The following DAB1 variants were observed in gnomAD, a reference collection of about 807,000 sequenced individuals.
DAB1 encodes disabled homolog 1.
Under a neutral mutation model 64.6 loss-of-function variants are expected in DAB1, and 15 were observed. The ratio of observed to expected loss-of-function variants is 0.23; its 90% CI spans 0.16 to 0.36. The LOEUF (loss-of-function observed/expected upper bound fraction) is 0.36, where lower values mean the gene tolerates loss of function less well. Ranked by LOEUF, DAB1 falls within the 10% of genes least tolerant of loss-of-function variation. The pLI, the probability that DAB1 is intolerant of heterozygous loss-of-function variation, is 1.00. For missense variants in DAB1, 596 were observed against 706.7 expected, an observed-to-expected ratio of 0.84 and a Z score of 1.78; for synonymous variants, 235 against 251.9, an observed-to-expected ratio of 0.93 and a Z score of 0.64.
chr1:57,680,316 A>G (rs1463806032), intron 6 of DAB1, among the ~76,000 whole-genome samples: 1 of 152,228 alleles, frequency 6.6e-6, no homozygotes, highest in African/African-American at 2.4e-5. Context: ...ATAACAAATT[A>G]TTGCAAGTTT....
intron 6 of DAB1, among the ~76,000 whole-genome samples, chr1:57,793,205 C>T (rs749914349): frequency 5.9e-5 from 9 of 152,124 alleles, no homozygotes; most frequent in East Asian, 1.9e-4. Context: ...AGAAAATAAA[C>T]GAACAGGGCA....
At chr1:57,908,652 G>C (rs905016856) in intron 5 of DAB1, among the ~76,000 whole-genome samples, 2 of 152,080 alleles carry the variant, frequency 1.3e-5, no homozygotes, top group African/African-American at 4.8e-5. Context: ...GAAGAACTTG[G>C]CAGCTCAGAA....
rs1298619146 is a variant in DAB1, at chr1:58,115,907, G to A, written n.387+34604C>T. 2.2e-5 allele frequency among the ~76,000 whole-genome samples: 3 copies of A among 136,434 alleles called. No homozygotes were observed. The Admixed American group carries it at 2.2e-4, about 10-fold the overall frequency. 89.5% of individuals were successfully genotyped at this position (136,434 alleles called of 152,430 possible). Reference sequence around the variant, plus strand: ...AATGCTAGATGACACATTAGTGGGTGCAGCGCACCAGCATGGCACATGTAT... The same window carrying A: ...AATGCTAGATGACACATTAGTGGGTACAGCGCACCAGCATGGCACATGTAT... On this transcript the variant is annotated intron_variant and non_coding_transcript_variant, in intron 5 of 20. Coordinates refer to the DAB1 transcript ENST00000485760.
At chr1:58,020,681 A>C (rs1646802702) in intron 5 of DAB1, among the ~76,000 whole-genome samples, 1 of 152,128 alleles carries the variant, frequency 6.6e-6, no homozygotes, top group Non-Finnish European at 1.5e-5. Context: ...AAGTTGTGTA[A>C]AACTGCCTAG....
chr1:57,076,325 G>T (rs980843905), intron 4 of DAB1, among the ~76,000 whole-genome samples: 1 of 152,162 alleles, frequency 6.6e-6, no homozygotes, highest in Admixed American at 6.5e-5. Flanking sequence ...TTTGAAAACC[G>T]TTATTGTCTT....
Position 57,574,018 on chromosome 1 carries a change from A to G in DAB1, n.625+75574T>C, listed in dbSNP as rs150064057. Reference sequence around the variant, plus strand: ...GTATTCACTGGTGGCCAGAAGAAAAAAGAAGAGTGGTTCTTAGAGAAGAAT... The same window carrying G: ...GTATTCACTGGTGGCCAGAAGAAAAGAGAAGAGTGGTTCTTAGAGAAGAAT... On this transcript the variant is annotated intron_variant and non_coding_transcript_variant, in intron 7 of 20. Transcript: ENST00000485760. Among the ~76,000 whole-genome samples, 15 of 152,314 alleles carry G rather than the reference A, an allele frequency of 9.8e-5. No homozygotes were observed. In the East Asian group the frequency reaches 2.7e-3, roughly 27 times the overall value.
intron 1 of DAB1, among the ~76,000 whole-genome samples, chr1:57,839,100 C>G (rs975212320): frequency 6.6e-6 from 1 of 152,088 alleles, no homozygotes; most frequent in Non-Finnish European, 1.5e-5. Context: ...CTCTTAAGCC[C>G]CAGCCCTTCT....
At chr1:57,023,849 T>C (rs144092367) in intron 10 of DAB1, among the ~76,000 whole-genome samples, 30 of 152,330 alleles carry the variant, frequency 2.0e-4, no homozygotes, top group Non-Finnish European at 3.5e-4. Context: ...AGTGAGATTA[T>C]GTAATTAAAT....
At position 58,278,122 on chromosome 1, in the gene DAB1, CAT is replaced by C. The variant is rs1661494427; in HGVS notation, n.309+65228_309+65229del. Among the ~76,000 whole-genome samples, 4 of 152,210 alleles carry C rather than the reference CAT, an allele frequency of 2.6e-5. No individual in the cohort carries two copies. The South Asian group carries it at 8.3e-4, about 32-fold the overall frequency. On this transcript the variant is annotated intron_variant and non_coding_transcript_variant, in intron 4 of 20. Transcript: ENST00000485760. ...TGAATTGTAATCCCCATAATCCCCA[CAT>C]GTCGAGGGTGGGGCCTGGTGGGAGG...
intron 3 of DAB1, among the ~76,000 whole-genome samples, chr1:58,410,974 C>A (rs1048346629): frequency 6.6e-6 from 1 of 152,146 alleles, no homozygotes; most frequent in Non-Finnish European, 1.5e-5. Flanking sequence ...CCTTTGGTCT[C>A]CCTTTTGCTT....
At chr1:57,905,621 A>C (rs1644538912) in intron 5 of DAB1, among the ~76,000 whole-genome samples, 1 of 152,196 alleles carries the variant, frequency 6.6e-6, no homozygotes. Context: ...AGCTCAGGGA[A>C]GAAGTCTGGG....
At chr1:57,798,599 C>T (rs1650980616) in intron 6 of DAB1, among the ~76,000 whole-genome samples, 1 of 152,228 alleles carries the variant, frequency 6.6e-6, no homozygotes, top group South Asian at 2.1e-4. Context: ...TCTCACCTCT[C>T]TGTGCTGGAA....
intron 4 of DAB1, among the ~76,000 whole-genome samples, chr1:57,110,060 T>G (rs1309927731): frequency 1.3e-5 from 2 of 152,172 alleles, no homozygotes; most frequent in Non-Finnish European, 2.9e-5. Context: ...TGAGAGTAGT[T>G]TGCACATGAA....
intron 5 of DAB1, among the ~76,000 whole-genome samples, chr1:58,043,122 T>C (rs1647163810): frequency 6.6e-6 from 1 of 152,208 alleles, no homozygotes; most frequent in African/African-American, 2.4e-5. Context: ...TGTTAATGTA[T>C]AGGCGCTGTG....
intron 7 of DAB1, among the ~76,000 whole-genome samples, chr1:57,449,678 C>A (rs1686279276): frequency 6.6e-6 from 1 of 152,246 alleles, no homozygotes; most frequent in Middle Eastern, 3.4e-3. Flanking sequence ...CATGTCCAGC[C>A]ATTTTAATCT....
At chr1:57,366,076 T>C (rs1679973013) in intron 1 of DAB1, among the ~76,000 whole-genome samples, 1 of 152,234 alleles carries the variant, frequency 6.6e-6, no homozygotes, top group Non-Finnish European at 1.5e-5. Flanking sequence ...TGTCCAAATG[T>C]GTCCTGCTCT....
chr1:57,992,940 G>T (rs1646368337), intron 5 of DAB1, among the ~76,000 whole-genome samples: 1 of 152,024 alleles, frequency 6.6e-6, no homozygotes, highest in Non-Finnish European at 1.5e-5. Context: ...TATGCCAGGA[G>T]CTTACATGGG....
rs80180612 is a variant in DAB1, at chr1:57,140,211, T to C, written c.208-3570A>G. On this transcript the variant is annotated intron_variant, in intron 3 of 14. Transcript: ENST00000371236. ...GACATTAGCCACCTGACCTAGTAAG[T>C]CACCACTGGAAACTGGAAACCAGAG... is the stretch of plus-strand genomic sequence containing the variant. 9.6e-3 allele frequency among the ~76,000 whole-genome samples: 1,464 copies of C among 152,236 alleles called. 16 individuals carry two copies. Among genetic ancestry groups the C allele is most frequent in the Non-Finnish European group, 0.016 (1,066 of 68,008 alleles).
intron 1 of DAB1, among the ~76,000 whole-genome samples, chr1:57,854,398 T>C (rs1653664776): frequency 1.3e-5 from 2 of 152,142 alleles, no homozygotes; most frequent in South Asian, 2.1e-4. Flanking sequence ...GTCACCATTG[T>C]GAGAGGAAGA....
Sources: gnomAD v4.1 joint callset for allele counts (sites outside exome capture counted in the v4.1 genomes callset) on GRCh38, gnomAD v4.1.1 for gene constraint, MANE v1.5 for transcripts, NCBI Gene and HGNC (gene_info 2026-07-23, HGNC 2026-07-21) for gene names.